GLT8D1: variants seen among roughly 807,000 people sequenced by gnomAD.
GLT8D1 encodes the protein glycosyltransferase 8 domain-containing protein 1.
Under a neutral mutation model 46.2 loss-of-function variants are expected in GLT8D1, and 41 were observed. The observed-to-expected ratio is 0.89, with a 90% CI of 0.69 to 1.15. The LOEUF is 1.15. GLT8D1 is among the 50% of genes most tolerant of loss of function. The probability of loss-of-function intolerance (pLI) is 0.00; values close to 1 mark genes in which losing one functional copy is unlikely to be tolerated. For synonymous variants in GLT8D1, 150 were observed against 154.2 expected (o/e 0.97, Z 0.20); for missense variants, 408 against 449.3 (o/e 0.91, Z 0.83).
intron 1 of GLT8D1, chr3:52,705,206 G>C (rs536758961): frequency 1.3e-5 from 2 of 152,402 alleles, no homozygotes; most frequent in East Asian, 3.9e-4. Flanking sequence ...CCTTGAAAGA[G>C]AGGCTGAGTG....
intron 4 of GLT8D1, among the ~76,000 whole-genome samples, chr3:52,697,094 C>G (rs77112493): frequency 0.04 from 6,026 of 152,242 alleles, 405 homozygotes; most frequent in African/African-American, 0.14. Context: ...GCTTCTGTTT[C>G]TGTATTTTAA....
chr3:52,700,451 G>A lies in GLT8D1; in HGVS notation c.10C>T (p.Arg4Cys), dbSNP rs748458376. The A allele has an allele frequency of 1.5e-5, 24 of 1,592,150 alleles. No homozygotes were observed. The highest frequency in any genetic ancestry group is 1.9e-5 in the Non-Finnish European group (22 of 1,161,990). Reference sequence around the variant, plus strand: ...ACTTGTAGAAAGAGCATACCTTTACGGAATGACATCTTTTTCTTCTGTCAT... The same window carrying A: ...ACTTGTAGAAAGAGCATACCTTTACAGAATGACATCTTTTTCTTCTGTCAT... The part of the protein sequence containing the change: MSF[R>C]KVNIIILVLA... The change falls in exon 2 of 10, where the codon CGT becomes TGT. Residue 4 changes from arginine to cysteine, a missense_variant. Transcript: ENST00000266014.
intron 3 of GLT8D1, among the ~76,000 whole-genome samples, chr3:52,698,618 T>C (rs1262470812): frequency 2.0e-5 from 3 of 151,572 alleles, no homozygotes; most frequent in Non-Finnish European, 2.9e-5. Flanking sequence ...GAGGTGGAGG[T>C]TGCAGTGAGC....
chr3:52,703,275 T>A (rs2097340947), intron 1 of GLT8D1: 1 of 151,134 alleles, frequency 6.6e-6, no homozygotes, highest in African/African-American at 2.4e-5. Flanking sequence ...ATACAAAAAA[T>A]TAGCCAGGCA....
intron 1 of GLT8D1, chr3:52,703,912 G>T (rs1417001694): frequency 2.0e-5 from 3 of 152,144 alleles, no homozygotes; most frequent in Non-Finnish European, 4.4e-5. Context: ...AAACGAAATT[G>T]CACACAGACG....
In GLT8D1 at chr3:52,694,897, G is replaced by T. The variant is rs1364173975; in HGVS notation, c.1064C>A (p.Thr355Lys). Reference sequence around the variant, plus strand: ...TCTTCGGATTAGGTTGAATTTGCCTGTTGGGTCTGGAATATACCATTTTTC... The same window carrying T: ...TCTTCGGATTAGGTTGAATTTGCCTTTTGGGTCTGGAATATACCATTTTTC... ...VWEKWYIPDPTGKFNLIRRYT... is the reference protein window; with the variant it reads ...VWEKWYIPDPKGKFNLIRRYT... Residue 355 changes from threonine to lysine, a missense_variant, in exon 10 of 10, where the codon ACA (threonine) becomes AAA (lysine). Transcript: ENST00000266014. 3.7e-6 allele frequency: 6 copies of T among 1,611,902 alleles called. No individual in the cohort carries two copies. The East Asian group carries it at 1.3e-4, about 36-fold the overall frequency.
In GLT8D1 at chr3:52,705,656, T is replaced by C. The variant is rs189012511; in HGVS notation, c.-246A>G. 4.5e-3 allele frequency: 1,058 copies of C among 232,980 alleles called. 11 individuals carry two copies. The highest frequency in any genetic ancestry group is 0.023 in the African/African-American group (991 of 43,632). 14.4% of individuals were successfully genotyped at this position (232,980 alleles called of 1,614,324 possible). ...GCCGCAGGCCCCGGAGCCCAGCCCG[T>C]TGTCTGGCCGCCCGCGTTCCCTGCA... On this transcript the variant is annotated 5_prime_UTR_variant, in exon 1 of 10. Transcript: ENST00000266014.
chr3:52,700,258 A>G lies in GLT8D1; in HGVS notation c.115+4T>C. On this transcript the variant is annotated splice_donor_region_variant and intron_variant, in intron 3 of 9. Coordinates refer to ENST00000266014, the MANE Select transcript of GLT8D1 (RefSeq NM_018446.4). The stretch of plus-strand genomic sequence containing the variant: ...TAAGGCATTATTAATAAGTGCTCGC[A>G]TACCTGTAACCTCATTCCTTAACAA... The G allele has an allele frequency of 4.4e-6, 7 of 1,588,378 alleles. No individual in the cohort carries two copies. In the East Asian group the frequency reaches 8.9e-5, roughly 20 times the overall value.
chr3:52,698,542 G>A (rs1234760119), intron 3 of GLT8D1, among the ~76,000 whole-genome samples: 1 of 152,078 alleles, frequency 6.6e-6, no homozygotes, highest in Non-Finnish European at 1.5e-5. Context: ...TGAGCCAGGT[G>A]TAGTGGTGAA....
chr3:52,697,672 C>T, intron 4 of GLT8D1, 49 bp downstream of exon 4: 1 of 1,251,744 alleles, frequency 8.0e-7, no homozygotes, highest in Non-Finnish European at 1.2e-6. Context: ...TGGCAGCTGG[C>T]CTGCTCTAAA....
At chr3:52,705,344 A>C (rs1017911931) in intron 1 of GLT8D1, 103 bp downstream of exon 1, 1 of 152,424 alleles carries the variant, frequency 6.6e-6, no homozygotes, top group African/African-American at 2.4e-5. Context: ...GATGAGAGGG[A>C]CAGCCGAGCA....
intron 3 of GLT8D1, among the ~76,000 whole-genome samples, 156 bp downstream of exon 3, chr3:52,700,106 A>G (rs2097338003): frequency 1.3e-5 from 2 of 152,206 alleles, no homozygotes; most frequent in African/African-American, 4.8e-5. Flanking sequence ...GGCTCTCCTA[A>G]GGCCTCTGAT....
At position 52,700,500 on chromosome 3, in the gene GLT8D1, C is replaced by G. The variant is rs1194873347; in HGVS notation, c.-36-4G>C. ...ATATAAATATTAGTTTTTAACCCTACAAAACAAAAACAAGCCCCCAAAGTC... is the reference window on the plus strand; with the variant it reads ...ATATAAATATTAGTTTTTAACCCTAGAAAACAAAAACAAGCCCCCAAAGTC... On this transcript the variant is annotated splice_region_variant and splice_polypyrimidine_tract_variant and intron_variant, in intron 1 of 9. Coordinates refer to ENST00000266014, the MANE Select transcript of GLT8D1 (RefSeq NM_018446.4). 6 of 1,471,276 alleles carry G rather than the reference C, an allele frequency of 4.1e-6. No homozygotes were observed. Among genetic ancestry groups the G allele is most frequent in the Non-Finnish European group, 5.6e-6 (6 of 1,065,052 alleles). The allele number at this position is 1,471,276 out of a possible 1,614,324, so 91.1% of individuals were successfully genotyped here. A position where few individuals can be genotyped will look rare whatever the true frequency, so the allele number is the denominator to read the frequency against.
chr3:52,697,912 T>C lies in GLT8D1; in HGVS notation c.138A>G (p.Gln46=). ...EVTDSGIVGP[Q]PIDFVPNALR... ...GAGCATTTGGGACAAAGTCTATAGG[T>C]TGAGGCCCTACAATTCCTGAATCTG... The change falls in exon 4 of 10, where the codon CAA becomes CAG. Residue 46 remains glutamine (Q), a synonymous_variant. Coordinates refer to ENST00000266014, the MANE Select transcript of GLT8D1 (RefSeq NM_018446.4). 6.2e-7 allele frequency: 1 copy of C among 1,611,930 alleles called. No individual in the cohort carries two copies. The highest frequency in any genetic ancestry group is 8.5e-7 in the Non-Finnish European group (1 of 1,177,986).
intron 1 of GLT8D1, 32 bp downstream of exon 1, chr3:52,705,415 T>G (rs936329983): frequency 7.9e-5 from 12 of 152,396 alleles, no homozygotes; most frequent in African/African-American, 2.9e-4. Context: ...GTAGCCCCCC[T>G]AAATTCCAAG....
At chr3:52,702,835 G>A (rs2154100859) in intron 1 of GLT8D1, among the ~76,000 whole-genome samples, 1 of 148,740 alleles carries the variant, frequency 6.7e-6, no homozygotes, top group Admixed American at 6.7e-5. Context: ...CAGCCAGGCT[G>A]CAGTGCAGTG....
chr3:52,698,499 T>C (rs147055931), intron 3 of GLT8D1, among the ~76,000 whole-genome samples: 9 of 152,124 alleles, frequency 5.9e-5, no homozygotes, highest in African/African-American at 2.2e-4. Context: ...CTGACCAACA[T>C]GGTGAAACCT....
At chr3:52,698,605 C>T (rs1024285120) in intron 3 of GLT8D1, among the ~76,000 whole-genome samples, 2 of 151,462 alleles carry the variant, frequency 1.3e-5, no homozygotes, top group African/African-American at 4.9e-5. Context: ...CGCTTGAACT[C>T]GGGAGGTGGA....
At chr3:52,701,366 T>A (rs1354468070) in intron 1 of GLT8D1, 2 of 151,760 alleles carry the variant, frequency 1.3e-5, no homozygotes, top group Non-Finnish European at 2.9e-5. Context: ...AAAAAAGGTT[T>A]ATTTTAGTTT....
Sources: allele counts gnomAD v4.1 joint callset (sites outside exome capture counted in the v4.1 genomes callset), GRCh38; gene constraint gnomAD v4.1.1; transcripts MANE v1.5; gene names NCBI Gene and HGNC (gene_info 2026-07-23, HGNC 2026-07-21).